Variants in ZMIZ2 observed in about 807,000 individuals in gnomAD.
ZMIZ2 encodes zinc finger MIZ-type containing 2, also known as zinc finger MIZ domain-containing protein 2.
ZMIZ2 carries 26 observed loss-of-function variants against 93.9 expected under a neutral mutation model. The observed-to-expected ratio is 0.28, with a 90% CI of 0.20 to 0.38. ZMIZ2 has a LOEUF of 0.38. ZMIZ2 is among the 10% of genes least tolerant of loss of function. The pLI is 1.00. For missense variants in ZMIZ2, 1,023 were observed against 1,235.0 expected, an observed-to-expected ratio of 0.83 and a Z score of 2.57; for synonymous variants, 485 against 516.4, an observed-to-expected ratio of 0.94 and a Z score of 0.82.
chr7:44,751,032 C>T (rs1790097090), intron 1 of ZMIZ2: 1 of 152,294 alleles, frequency 6.6e-6, no homozygotes, highest in African/African-American at 2.4e-5. Context: ...AGACTGTCCT[C>T]AGAGAGGAGA....
At chr7:44,756,574 C>A (rs369543914) in intron 3 of ZMIZ2, 35 bp downstream of exon 3, 1 of 1,606,214 alleles carries the variant, frequency 6.2e-7, no homozygotes, top group South Asian at 1.1e-5. Context: ...CCCGAGCAGA[C>A]AGAGCCTCCC....
Position 44,757,861 on chromosome 7 carries a change from A to G in ZMIZ2, c.566A>G (p.Gln189Arg), listed in dbSNP as rs976330679. Residue 189 changes from glutamine (Q) to arginine (R), a missense_variant, in exon 6 of 19, where the codon CAG becomes CGG. By Grantham distance (43) the Gln-to-Arg change is conservative. Around this residue, in one of 3 missense-constraint regions of ZMIZ2, gnomAD observed 656 missense variants for 777.1 expected, o/e 0.84. Coordinates refer to ENST00000309315, the MANE Select transcript of ZMIZ2 (RefSeq NM_031449.4). ...LSQYGAMGAG[Q>R]SFNSQFLQHG... ...TTCTCTTCCTAGATGGGGGCCGGAC[A>G]GTCTTTTAACAGCCAGTTTCTGCAG... is the stretch of plus-strand genomic sequence containing the variant. The G allele has an allele frequency of 2.5e-6, 4 of 1,577,018 alleles. No homozygotes were observed. In the African/African-American group the frequency reaches 4.1e-5, roughly 16 times the overall value.
At chr7:44,767,385 T>C in intron 18 of ZMIZ2, 131 bp from the exon 19 acceptor site, 2 of 806,084 alleles carry the variant, frequency 2.5e-6, no homozygotes, top group South Asian at 3.3e-5. Context: ...GCACCCGGCC[T>C]GTGTGTGAGG....
At chr7:44,750,074 AT>A (rs1790006026) in intron 1 of ZMIZ2, 1 of 152,124 alleles carries the variant, frequency 6.6e-6, no homozygotes, top group Admixed American at 6.5e-5. Flanking sequence ...CCGGTTGTAG[AT>A]TTCTGAAGGA....
rs1790760128 is a variant in ZMIZ2, at chr7:44,757,939, T to A, written c.644T>A (p.Ile215Lys). ...SVPAGMNPTG[I>K]GGVMGPSGLS... is the part of the protein sequence containing the mutation. ...CCCGCTGGCATGAACCCTACTGGCA[T>A]AGGAGGGGTAATGGGCCCCTCTGGC... The change falls in exon 6 of 19, where the codon ATA (isoleucine) becomes AAA (lysine). Residue 215 changes from isoleucine to lysine, a missense_variant. Ile to Lys is a moderately radical substitution (Grantham distance 102). Coordinates refer to ENST00000309315, the MANE Select transcript of ZMIZ2 (RefSeq NM_031449.4). 2 of 1,612,224 alleles carry A rather than the reference T, an allele frequency of 1.2e-6. No homozygotes were observed. The highest frequency in any genetic ancestry group is 1.7e-6 in the Non-Finnish European group (2 of 1,179,158).
At chr7:44,750,959 A>C (rs569074137) in intron 1 of ZMIZ2, 1 of 152,338 alleles carries the variant, frequency 6.6e-6, no homozygotes, top group African/African-American at 2.4e-5. Flanking sequence ...GCAGAACACT[A>C]TCCTATCATC....
Position 44,758,041 on chromosome 7 carries a change from A to G in ZMIZ2, c.746A>G (p.His249Arg), listed in dbSNP as rs1014601437. ...TATGCAGGGCAGCGTCTGCCCCAAC[A>G]TGGGTATCCTGGGCCTCCCCAGGCC... Reference protein sequence around the residue: ...PLYAGQRLPQHGYPGPPQAQP... With the variant: ...PLYAGQRLPQRGYPGPPQAQP... The change falls in exon 6 of 19, where the codon CAT (histidine) becomes CGT (arginine). Residue 249 changes from histidine to arginine, a missense_variant. By Grantham distance (29) the His-to-Arg change is conservative. Transcript: ENST00000309315. The G allele has an allele frequency of 3.1e-6, 5 of 1,609,186 alleles. No individual in the cohort carries two copies. In the African/African-American group the frequency reaches 4.0e-5, roughly 13 times the overall value.
At position 44,766,286 on chromosome 7, in the gene ZMIZ2, A is replaced by G; in HGVS notation, c.2365A>G (p.Ser789Gly). 6.3e-7 allele frequency: 1 copy of G among 1,580,240 alleles called. No individual in the cohort carries two copies. ...CATCTCCTACCAGTCTGACATTCCC[A>G]GCAGCCTCCTGACTTCAGAGAAGTC... ...PPISYQSDIP[S>G]SLLTSEKSTA... The change falls in exon 17 of 19, where the codon AGC becomes GGC. Residue 789 changes from serine to glycine, a missense_variant. By Grantham distance (56) the Ser-to-Gly change is moderately conservative. Transcript: ENST00000309315. The surrounding 1 kb of genome is among the most constrained non-coding windows in gnomAD (Gnocchi z 4.4).
At position 44,765,753 on chromosome 7, in the gene ZMIZ2, C is replaced by T. The variant is rs140403865; in HGVS notation, c.2242+174C>T. On this transcript the variant is annotated intron_variant, in intron 16 of 18. Transcript: ENST00000309315. The surrounding 1 kb of genome is among the most constrained non-coding windows in gnomAD (Gnocchi z 4.1). ...CCTCCAGCCCCTCCCATCTCAGGGA[C>T]GTGGCGGTGAAGGCACAGTCTCAGC... 135 of 1,101,384 alleles carry T rather than the reference C, an allele frequency of 1.2e-4. No individual in the cohort carries two copies. The African/African-American group carries it at 1.6e-3, about 13-fold the overall frequency. 68.2% of individuals were successfully genotyped at this position (1,101,384 alleles called of 1,614,324 possible). A position where few individuals can be genotyped will look rare whatever the true frequency, so the allele number is the denominator to read the frequency against.
chr7:44,767,602 TTC>T lies in ZMIZ2; in HGVS notation c.2746_2747del (p.Leu916ValfsTer2). On this transcript the variant is annotated frameshift_variant, in exon 19 of 19. Coordinates refer to ENST00000309315, the MANE Select transcript of ZMIZ2 (RefSeq NM_031449.4). LOFTEE classifies it high-confidence loss of function. ...LPTNNNDDLL[S>X]LFENN ...CTACGAACAACAATGACGACCTGCTTTCTCTGTTTGAGAACAACTGATCCTGT... is the reference window on the plus strand; with the variant it reads ...CTACGAACAACAATGACGACCTGCTTTCTGTTTGAGAACAACTGATCCTGT... 1.2e-6 allele frequency: 2 copies of T among 1,614,112 alleles called. No homozygotes were observed. The highest frequency in any genetic ancestry group is 1.7e-6 in the Non-Finnish European group (2 of 1,179,984).
Position 44,761,567 on chromosome 7 carries a change from C to G in ZMIZ2, c.1359C>G (p.Asp453Glu), listed in dbSNP as rs1309596491. The G allele has an allele frequency of 1.2e-6, 2 of 1,614,132 alleles. No homozygotes were observed. The highest frequency in any genetic ancestry group is 1.7e-5 in the Admixed American group (1 of 60,028). The change falls in exon 10 of 19, where the codon GAC becomes GAG. Residue 453 changes from aspartate (D) to glutamate (E), a missense_variant. Coordinates refer to ENST00000309315, the MANE Select transcript of ZMIZ2 (RefSeq NM_031449.4). This position sits in a 1 kb window ranked among gnomAD's most constrained non-coding sequence, Gnocchi z 5.8. ...GCAACCATGTCTTCCAGCTGCGAGA[C>G]TCAGTCTACAAGACCCTGATAATGA... ...AVSNHVFQLRDSVYKTLIMRP... is the reference protein window; with the variant it reads ...AVSNHVFQLRESVYKTLIMRP...
rs774352580 is a variant in ZMIZ2 at position 44,763,228 on chromosome 7, C to T, written c.1703-28C>T. ...ACCTCCCCATCTTGGGGACCCTTTA[C>T]TCAAGTCCTTTACCTTGTTGATGTC... On this transcript the variant is annotated intron_variant, in intron 12 of 18. Transcript: ENST00000309315. The surrounding 1 kb of genome is among the most constrained non-coding windows in gnomAD (Gnocchi z 5.6). 11 of 1,609,976 alleles carry T rather than the reference C, an allele frequency of 6.8e-6. No homozygotes were observed. In the East Asian group the frequency reaches 8.9e-5, roughly 13 times the overall value.
chr7:44,757,216 T>C, intron 4 of ZMIZ2, 67 bp downstream of exon 4: 1 of 1,526,496 alleles, frequency 6.6e-7, no homozygotes, highest in Non-Finnish European at 8.7e-7. Context: ...CTCAGAACTG[T>C]GGCGCTGATC....
At chr7:44,759,669 G>A (rs529275783) in intron 7 of ZMIZ2, 132 of 471,004 alleles carry the variant, frequency 2.8e-4, no homozygotes, top group African/African-American at 2.6e-3. Flanking sequence ...AGCAGCTCCT[G>A]GGGTTTGGGA....
At position 44,757,189 on chromosome 7, in the gene ZMIZ2, A is replaced by G. The variant is rs564132143; in HGVS notation, c.368+40A>G. On this transcript the variant is annotated intron_variant, in intron 4 of 18. Coordinates refer to ENST00000309315, the MANE Select transcript of ZMIZ2 (RefSeq NM_031449.4). Reference sequence around the variant, plus strand: ...TCACCTGGCAGGTATGCTAGGAGCCATCAATCTGGCAGGCACCTCAGAACT... The same window carrying G: ...TCACCTGGCAGGTATGCTAGGAGCCGTCAATCTGGCAGGCACCTCAGAACT... The G allele has an allele frequency of 5.1e-5, 80 of 1,560,670 alleles. 2 individuals are homozygous for G. The South Asian group carries it at 8.7e-4, about 17-fold the overall frequency.
rs542112238 is a variant in ZMIZ2, at chr7:44,763,065, G to A, written c.1702+79G>A. The A allele has an allele frequency of 4.7e-6, 7 of 1,487,394 alleles. No individual in the cohort carries two copies. 92.1% of individuals were successfully genotyped at this position (1,487,394 alleles called of 1,614,324 possible). A position where few individuals can be genotyped will look rare whatever the true frequency, so the allele number is the denominator to read the frequency against. On this transcript the variant is annotated intron_variant, in intron 12 of 18. Coordinates refer to ENST00000309315, the MANE Select transcript of ZMIZ2 (RefSeq NM_031449.4). This position sits in a 1 kb window ranked among gnomAD's most constrained non-coding sequence, Gnocchi z 5.6. ...CCAAGCCCAACAATCCTCCTTGTGG[G>A]CACCTCCTCGTGTCACACCAGGCCT...
At chr7:44,750,287 C>G (rs1350523702) in intron 1 of ZMIZ2, among the ~76,000 whole-genome samples, 1 of 152,200 alleles carries the variant, frequency 6.6e-6, no homozygotes, top group African/African-American at 2.4e-5. Flanking sequence ...TATTCCTGGA[C>G]TTTTTGATGA....
rs1468416380 is a variant in ZMIZ2 at position 44,761,799 on chromosome 7, C to G, written c.1490C>G (p.Thr497Ser). ...VQVSVNATPLTIERGDNKTSH... is the reference protein window; with the variant it reads ...VQVSVNATPLSIERGDNKTSH... ...GTCAGCGTCAATGCCACGCCGCTCA[C>G]CATCGAGCGTGGCGACAACAAGACC... Residue 497 changes from threonine to serine, a missense_variant, in exon 11 of 19, where the codon ACC becomes AGC. Thr to Ser is a moderately conservative substitution (Grantham distance 58). Transcript: ENST00000309315. This position sits in a 1 kb window ranked among gnomAD's most constrained non-coding sequence, Gnocchi z 5.8. 6.2e-7 allele frequency: 1 copy of G among 1,613,846 alleles called. No homozygotes were observed. The highest frequency in any genetic ancestry group is 1.3e-5 in the African/African-American group (1 of 74,936).
intron 5 of ZMIZ2, 142 bp downstream of exon 5, chr7:44,757,703 G>T: frequency 6.9e-7 from 1 of 1,448,158 alleles, no homozygotes; most frequent in Non-Finnish European, 9.1e-7. Flanking sequence ...TGTGTGGGAA[G>T]GAGTGAGGGT....
Sources: allele counts gnomAD v4.1 joint callset (sites outside exome capture counted in the v4.1 genomes callset), GRCh38; gene constraint gnomAD v4.1.1; regional missense constraint gnomAD v4.1.1; non-coding constraint Gnocchi (gnomAD v3.1); transcripts MANE v1.5; gene names NCBI Gene and HGNC (gene_info 2026-07-23, HGNC 2026-07-21).